MARCHF1: variants seen among roughly 807,000 people sequenced by gnomAD.
The protein encoded by MARCHF1 is membrane associated ring-CH-type finger 1, also known as E3 ubiquitin-protein ligase MARCHF1.
MARCHF1 carries 40 observed loss-of-function variants against 54.2 expected under a neutral mutation model. The observed-to-expected ratio is 0.74, with a 90% CI of 0.57 to 0.96. The LOEUF is 0.96. MARCHF1 is among the 40% of genes least tolerant of loss of function. The probability of loss-of-function intolerance (pLI) is 0.00; values close to 1 mark genes in which losing one functional copy is unlikely to be tolerated. For missense variants in MARCHF1, 586 were observed against 656.5 expected (o/e 0.89, Z 1.17); for synonymous variants, 236 against 236.3 (o/e 1.00, Z 0.01).
intron 1 of MARCHF1, among the ~76,000 whole-genome samples, chr4:164,266,555 T>C (rs572092607): frequency 6.6e-6 from 1 of 152,212 alleles, no homozygotes; most frequent in Non-Finnish European, 1.5e-5. Context: ...AACACTATCA[T>C]GTACCAGTGG....
chr4:164,171,800 T>C (rs983293006), intron 1 of MARCHF1, among the ~76,000 whole-genome samples: 3 of 152,218 alleles, frequency 2.0e-5, no homozygotes, highest in Admixed American at 6.5e-5. Context: ...TTTTAAACTT[T>C]GGTTCAGAAG....
At chr4:164,090,150 C>A (rs1755269948) in intron 2 of MARCHF1, among the ~76,000 whole-genome samples, 1 of 151,838 alleles carries the variant, frequency 6.6e-6, no homozygotes, top group Non-Finnish European at 1.5e-5. Context: ...AATCACTAAC[C>A]AATACGTGTA....
intron 7 of MARCHF1, among the ~76,000 whole-genome samples, chr4:163,590,318 T>C (rs1278938425): frequency 6.6e-6 from 1 of 151,848 alleles, no homozygotes; most frequent in African/African-American, 2.4e-5. Flanking sequence ...ATTATTAAAC[T>C]CTTTCACTCA....
At chr4:163,700,571 AG>A (rs1258163481) in intron 5 of MARCHF1, among the ~76,000 whole-genome samples, 1 of 151,500 alleles carries the variant, frequency 6.6e-6, no homozygotes, top group Non-Finnish European at 1.5e-5. Flanking sequence ...GAAGGAAGGA[AG>A]GAAGGAAGGA....
chr4:164,205,661 C>T (rs146195707), intron 1 of MARCHF1, among the ~76,000 whole-genome samples: 133 of 151,980 alleles, frequency 8.8e-4, no homozygotes, highest in Middle Eastern at 3.4e-3. Flanking sequence ...GAAATACTTG[C>T]TAGAAATTTG....
intron 7 of MARCHF1, among the ~76,000 whole-genome samples, chr4:163,600,161 TAC>T (rs1430734928): frequency 2.0e-5 from 3 of 152,026 alleles, no homozygotes; most frequent in African/African-American, 7.2e-5. Context: ...TCTATTTATA[TAC>T]ACACATATAT....
chr4:163,911,875 C>T (rs1399583815), intron 3 of MARCHF1, among the ~76,000 whole-genome samples: 1 of 152,098 alleles, frequency 6.6e-6, no homozygotes, highest in African/African-American at 2.4e-5. Context: ...TGATCTCAGA[C>T]TTGTAGCCCC....
chr4:163,830,911 T>C lies in MARCHF1; in HGVS notation c.111+23110A>G, dbSNP rs192232823. Among the ~76,000 whole-genome samples, 21 of 152,344 alleles carry C rather than the reference T, an allele frequency of 1.4e-4. No individual in the cohort carries two copies. The East Asian group carries it at 2.1e-3, about 15-fold the overall frequency. Reference sequence around the variant, plus strand: ...GCTGGAAACCAAGGCTATGAAAATATAAGGACGCCTACCAGCAACACTGAA... The same window carrying C: ...GCTGGAAACCAAGGCTATGAAAATACAAGGACGCCTACCAGCAACACTGAA... On this transcript the variant is annotated intron_variant, in intron 4 of 9. Transcript: ENST00000514618.
At chr4:163,604,763 T>C (rs1741088573) in intron 7 of MARCHF1, among the ~76,000 whole-genome samples, 1 of 152,150 alleles carries the variant, frequency 6.6e-6, no homozygotes, top group Non-Finnish European at 1.5e-5. Flanking sequence ...AATCCTTGTA[T>C]ACCATATCTC....
chr4:163,756,653 A>G (rs1412327357), intron 4 of MARCHF1, among the ~76,000 whole-genome samples: 1 of 142,162 alleles, frequency 7.0e-6, no homozygotes, highest in African/African-American at 2.5e-5. Context: ...AAAAAAAAAA[A>G]AAAAGGAAAA....
intron 4 of MARCHF1, among the ~76,000 whole-genome samples, chr4:163,709,403 T>G (rs2111251738): frequency 6.6e-6 from 1 of 152,254 alleles, no homozygotes; most frequent in East Asian, 1.9e-4. Flanking sequence ...CAGTGAGACC[T>G]CATCTCTAAT....
At chr4:164,166,953 T>C (rs886342403) in intron 1 of MARCHF1, among the ~76,000 whole-genome samples, 8 of 151,356 alleles carry the variant, frequency 5.3e-5, no homozygotes, top group Non-Finnish European at 8.9e-5. Context: ...TAAATCTTTA[T>C]ATTTATAAAT....
rs114584450 is a variant in MARCHF1 at position 163,617,081 on chromosome 4, C to T, written c.163-3688G>A. On this transcript the variant is annotated intron_variant, in intron 5 of 9. Transcript: ENST00000514618. ...ATACAATTTTATTTACTCATAAAAA[C>T]GAACAAAATCATGTCATTTGCAGCA... Among the ~76,000 whole-genome samples the T allele has an allele frequency of 3.4e-3, 516 of 152,104 alleles. 6 individuals carry two copies. Among genetic ancestry groups the T allele is most frequent in the African/African-American group, 0.011 (473 of 41,518 alleles).
intron 1 of MARCHF1, among the ~76,000 whole-genome samples, chr4:164,131,222 A>G (rs1344962109): frequency 6.6e-6 from 1 of 152,130 alleles, no homozygotes; most frequent in Non-Finnish European, 1.5e-5. Context: ...GGAGACATGG[A>G]GCTAGAATGC....
chr4:164,112,165 G>C (rs910176298), intron 1 of MARCHF1, among the ~76,000 whole-genome samples: 1 of 151,840 alleles, frequency 6.6e-6, no homozygotes, highest in Non-Finnish European at 1.5e-5. Context: ...TGAAGGATAA[G>C]CAACAGCTTC....
chr4:163,952,872 G>A (rs577705922), intron 3 of MARCHF1, among the ~76,000 whole-genome samples: 1 of 152,206 alleles, frequency 6.6e-6, no homozygotes, highest in African/African-American at 2.4e-5. Flanking sequence ...AAGCTCTGAG[G>A]TTATCTTTTG....
chr4:163,809,671 CT>C (rs1199262234), intron 4 of MARCHF1, among the ~76,000 whole-genome samples: 6 of 151,882 alleles, frequency 4.0e-5, no homozygotes, highest in Admixed American at 2.6e-4. Context: ...GTCTACTTTC[CT>C]TTTTTATAAC....
At chr4:164,020,704 G>A (rs1169008278) in intron 2 of MARCHF1, among the ~76,000 whole-genome samples, 1 of 152,178 alleles carries the variant, frequency 6.6e-6, no homozygotes, top group Non-Finnish European at 1.5e-5. Context: ...GGCAAGGCAG[G>A]TAGATTGCTG....
intron 3 of MARCHF1, among the ~76,000 whole-genome samples, chr4:163,936,296 G>T (rs1208785404): frequency 6.6e-6 from 1 of 152,172 alleles, no homozygotes; most frequent in Non-Finnish European, 1.5e-5. Flanking sequence ...CTTGAAGTGA[G>T]CACATGCTAT....
Sources: allele counts gnomAD v4.1 joint callset (sites outside exome capture counted in the v4.1 genomes callset), GRCh38; gene constraint gnomAD v4.1.1; transcripts MANE v1.5; gene names NCBI Gene and HGNC (gene_info 2026-07-23, HGNC 2026-07-21).